BRD1: variants seen among roughly 807,000 people sequenced by gnomAD.
BRD1 encodes bromodomain-containing protein 1.
A neutral mutation model predicts 107.7 loss-of-function variants in BRD1; 24 were observed. The observed-to-expected ratio is 0.22, with a 90% CI of 0.16 to 0.31. The LOEUF (loss-of-function observed/expected upper bound fraction) is 0.31, where lower values mean the gene tolerates loss of function less well. Among genes scored for constraint, BRD1 ranks in the 10% least tolerant of loss-of-function variants. BRD1 has a pLI of 1.00. For synonymous variants in BRD1, 744 were observed against 686.1 expected (o/e 1.08, Z -1.32); for missense variants, 1,279 against 1,638.6 (o/e 0.78, Z 3.79).
At chr22:49,799,394 A>G (rs1410918429) in intron 3 of BRD1, among the ~76,000 whole-genome samples, 3 of 152,144 alleles carry the variant, frequency 2.0e-5, no homozygotes, top group African/African-American at 7.2e-5. Flanking sequence ...CCCTCCAGAG[A>G]GGACAGAGGC....
chr22:49,798,896 C>A (rs893176819), intron 4 of BRD1, 92 bp downstream of exon 4: 1 of 1,496,386 alleles, frequency 6.7e-7, no homozygotes, highest in East Asian at 2.3e-5. Flanking sequence ...CAGGACCCAC[C>A]GGGTGCAGCC....
intron 8 of BRD1, among the ~76,000 whole-genome samples, chr22:49,782,348 C>G (rs1324138224): frequency 6.6e-6 from 1 of 151,234 alleles, no homozygotes; most frequent in African/African-American, 2.4e-5. Context: ...TGGTCAGAAA[C>G]AGACCCAAGG....
At chr22:49,775,509 A>G (rs138823) in intron 12 of BRD1, 82 bp downstream of exon 12, 318,171 of 1,244,940 alleles carry the variant, frequency 0.26, 50,974 homozygotes, top group African/African-American at 0.75. Flanking sequence ...GACGCTGCTC[A>G]CCACAGGGAC....
rs756686235 is a variant in BRD1, at chr22:49,776,162, G to A, written c.3122-3C>T. On this transcript the variant is annotated splice_polypyrimidine_tract_variant and splice_region_variant and intron_variant, in intron 10 of 12. Coordinates refer to ENST00000404760, the MANE Select transcript of BRD1 (RefSeq NM_001304808.3). ...CCACATGCTGCTCTGGCCGACTTCTGCGGAGAGGGGCGTCAGCAGGACACA... is the reference window on the plus strand; with the variant it reads ...CCACATGCTGCTCTGGCCGACTTCTACGGAGAGGGGCGTCAGCAGGACACA... 1.2e-6 allele frequency: 2 copies of A among 1,602,468 alleles called. No individual in the cohort carries two copies. Among genetic ancestry groups the A allele is most frequent in the East Asian group, 2.2e-5 (1 of 44,828 alleles).
At chr22:49,808,081 G>A (rs1291515293) in intron 2 of BRD1, among the ~76,000 whole-genome samples, 1 of 152,172 alleles carries the variant, frequency 6.6e-6, no homozygotes, top group Non-Finnish European at 1.5e-5. Flanking sequence ...CGCACCGCCG[G>A]CAAGAACGTA....
intron 1 of BRD1, 145 bp downstream of exon 1, chr22:49,827,352 C>A (rs2060157438): frequency 6.7e-6 from 1 of 150,274 alleles, no homozygotes; most frequent in African/African-American, 2.6e-5. Flanking sequence ...GGCCCGCAGA[C>A]AATGCGGAGC....
rs145144958 is a variant in BRD1 at position 49,808,608 on chromosome 22, T to C, written c.1368-4248A>G. ...TCTGAAGATAGATGGTGGTGATGGCTGCACAGCAACAGCAATATCAAAGTG... is the reference window on the plus strand; with the variant it reads ...TCTGAAGATAGATGGTGGTGATGGCCGCACAGCAACAGCAATATCAAAGTG... On this transcript the variant is annotated intron_variant, in intron 2 of 12. Transcript: ENST00000404760. Among the ~76,000 whole-genome samples the C allele has an allele frequency of 8.4e-3, 1,276 of 152,328 alleles. 17 individuals carry two copies. The highest frequency in any genetic ancestry group is 0.029 in the African/African-American group (1,213 of 41,566).
At chr22:49,812,694 G>C (rs1278447406) in intron 2 of BRD1, among the ~76,000 whole-genome samples, 1 of 152,234 alleles carries the variant, frequency 6.6e-6, no homozygotes, top group African/African-American at 2.4e-5. Context: ...ATGTCGGGAG[G>C]ACTCTAACCA....
chr22:49,777,020 T>G lies in BRD1; in HGVS notation c.3121+14A>C, dbSNP rs756220263. The G allele has an allele frequency of 1.4e-5, 22 of 1,612,720 alleles. No individual in the cohort carries two copies. Among genetic ancestry groups the G allele is most frequent in the African/African-American group, 2.7e-5 (2 of 74,906 alleles). ...AGGTGTGGAGAGCCATGGAGGCAGG[T>G]CCGGGCGACTCACCGGCTGCGATCC... On this transcript the variant is annotated intron_variant, in intron 10 of 12. Coordinates refer to ENST00000404760, the MANE Select transcript of BRD1 (RefSeq NM_001304808.3).
In BRD1 at chr22:49,823,295, G is replaced by A; in HGVS notation, c.1023C>T (p.Cys341=). The A allele has an allele frequency of 6.2e-7, 1 of 1,614,166 alleles. No individual in the cohort carries two copies. The stretch of plus-strand genomic sequence containing the variant: ...ATGCTGTGTAGCAGTTTGCTTTGTG[G>A]CACTGGATGCAGGCACCCACGCCCT... ...KQKGVGACIQ[C]HKANCYTAFH... Residue 341 remains cysteine (C), a synonymous_variant, in exon 2 of 13, where the codon TGC becomes TGT. Transcript: ENST00000404760.
rs750497662 is a variant in BRD1 at position 49,777,667 on chromosome 22, G to T, written c.2993+11C>A. On this transcript the variant is annotated intron_variant, in intron 9 of 12. Coordinates refer to ENST00000404760, the MANE Select transcript of BRD1 (RefSeq NM_001304808.3). Reference sequence around the variant, plus strand: ...GCTGCGTGGTGGGAAGCGCAGGGCCGCGGTGCCCACCTCGAGTCGCAGAGC... The same window carrying T: ...GCTGCGTGGTGGGAAGCGCAGGGCCTCGGTGCCCACCTCGAGTCGCAGAGC... 4.4e-6 allele frequency: 7 copies of T among 1,602,484 alleles called. No individual in the cohort carries two copies. In the African/African-American group the frequency reaches 6.7e-5, roughly 15 times the overall value.
intron 8 of BRD1, among the ~76,000 whole-genome samples, chr22:49,779,272 T>A (rs770323763): frequency 2.6e-5 from 4 of 152,230 alleles, no homozygotes; most frequent in Non-Finnish European, 4.4e-5. Context: ...GCTTCCCGTC[T>A]GTTCTCAATG....
chr22:49,777,825 G>A lies in BRD1; in HGVS notation c.2858-12C>T. The A allele has an allele frequency of 6.3e-7, 1 of 1,591,758 alleles. No individual in the cohort carries two copies. The highest frequency in any genetic ancestry group is 8.5e-7 in the Non-Finnish European group (1 of 1,173,130). ...GCCGTTGGTGAGACCTGGAACACAGGCGGGCAGGCCCTGAGCTCAGCACAA... is the reference window on the plus strand; with the variant it reads ...GCCGTTGGTGAGACCTGGAACACAGACGGGCAGGCCCTGAGCTCAGCACAA... On this transcript the variant is annotated splice_polypyrimidine_tract_variant and intron_variant, in intron 8 of 12. Transcript: ENST00000404760.
At chr22:49,811,887 T>C (rs79754510) in intron 2 of BRD1, among the ~76,000 whole-genome samples, 2,354 of 152,324 alleles carry the variant, frequency 0.015, 72 homozygotes, top group African/African-American at 0.053. Flanking sequence ...TTGTGGGCAT[T>C]GCTATTTACA....
At chr22:49,774,440 G>T in intron 12 of BRD1, 24 bp from the exon 13 acceptor site, 2 of 1,594,922 alleles carry the variant, frequency 1.3e-6, no homozygotes, top group Non-Finnish European at 1.7e-6. Flanking sequence ...AAAACAAGCG[G>T]AAAATCATTG....
At chr22:49,779,134 A>G (rs978023727) in intron 8 of BRD1, among the ~76,000 whole-genome samples, 1 of 151,114 alleles carries the variant, frequency 6.6e-6, no homozygotes, top group African/African-American at 2.4e-5. Flanking sequence ...AGTGCAATGG[A>G]CTCCATGGCT....
chr22:49,801,108 A>G (rs534164980), intron 3 of BRD1, among the ~76,000 whole-genome samples: 46 of 152,368 alleles, frequency 3.0e-4, no homozygotes, highest in African/African-American at 7.9e-4. Context: ...AGCAGCGCCC[A>G]GCATGCCACA....
At chr22:49,782,224 C>T (rs1450088139) in intron 8 of BRD1, among the ~76,000 whole-genome samples, 1 of 151,662 alleles carries the variant, frequency 6.6e-6, no homozygotes. Context: ...GTTGCTGGGA[C>T]CCGCTCCGTG....
At chr22:49,814,846 AAAGT>A (rs1166135796) in intron 2 of BRD1, among the ~76,000 whole-genome samples, 3 of 152,204 alleles carry the variant, frequency 2.0e-5, no homozygotes, top group Admixed American at 6.5e-5. Context: ...ACTTCTACCA[AAAGT>A]AAGTAAATAT....
Sources: gnomAD v4.1 joint callset for allele counts (sites outside exome capture counted in the v4.1 genomes callset) on GRCh38, gnomAD v4.1.1 for gene constraint, MANE v1.5 for transcripts, NCBI Gene and HGNC (gene_info 2026-07-23, HGNC 2026-07-21) for gene names.